PPFIBP1: variants seen among roughly 807,000 people sequenced by gnomAD.
PPFIBP1 encodes PPFIB scaffold protein 1, also known as liprin-beta-1.
A neutral mutation model predicts 137.8 loss-of-function variants in PPFIBP1; 112 were observed. The ratio of observed to expected loss-of-function variants is 0.81; its 90% CI spans 0.70 to 0.95. PPFIBP1 has a LOEUF of 0.95. Among genes scored for constraint, PPFIBP1 ranks in the 40% least tolerant of loss-of-function variants. The pLI is 0.00. For synonymous variants in PPFIBP1, 378 were observed against 417.3 expected, an observed-to-expected ratio of 0.91 and a Z score of 1.15; for missense variants, 1,083 against 1,196.6, an observed-to-expected ratio of 0.91 and a Z score of 1.40.
chr12:27,664,484 A>G, intron 12 of PPFIBP1, 38 bp downstream of exon 12: 1 of 1,397,254 alleles, frequency 7.2e-7, no homozygotes, highest in Non-Finnish European at 1.0e-6. Context: ...ACTTTGGTTG[A>G]CTCTAAGTGG....
intron 1 of PPFIBP1, among the ~76,000 whole-genome samples, chr12:27,544,547 A>G (rs1050829377): frequency 1.9e-5 from 2 of 106,602 alleles, no homozygotes; most frequent in African/African-American, 6.0e-5. Flanking sequence ...ATTTACAAGA[A>G]AAAAACAAAC....
intron 3 of PPFIBP1, among the ~76,000 whole-genome samples, chr12:27,634,139 CTTT>C (rs375816732): frequency 5.4e-5 from 6 of 111,600 alleles, no homozygotes; most frequent in Admixed American, 9.9e-5. Flanking sequence ...CCGGCCATAT[CTTT>C]TTTTTTTTTT....
intron 1 of PPFIBP1, among the ~76,000 whole-genome samples, chr12:27,563,153 C>T (rs1009770943): frequency 2.0e-5 from 3 of 150,782 alleles, no homozygotes; most frequent in Non-Finnish European, 3.0e-5. Context: ...TAAAAGCAGA[C>T]AATTCAGGCC....
chr12:27,533,097 C>G (rs923621597), intron 1 of PPFIBP1, among the ~76,000 whole-genome samples: 1 of 152,070 alleles, frequency 6.6e-6, no homozygotes, highest in African/African-American at 2.4e-5. Context: ...CACTCATGGG[C>G]TCAAGCAATC....
intron 6 of PPFIBP1, among the ~76,000 whole-genome samples, chr12:27,648,397 G>A (rs1456713581): frequency 6.6e-6 from 1 of 152,228 alleles, no homozygotes; most frequent in South Asian, 2.1e-4. Flanking sequence ...TACACTGTTG[G>A]TGGGAATGTA....
At chr12:27,649,725 A>G (rs2058757541) in intron 6 of PPFIBP1, among the ~76,000 whole-genome samples, 1 of 151,916 alleles carries the variant, frequency 6.6e-6, no homozygotes, top group African/African-American at 2.4e-5. Context: ...AAATTTTTGT[A>G]TTTTTAGTAG....
intron 11 of PPFIBP1, 127 bp downstream of exon 11, chr12:27,661,072 G>T: frequency 1.5e-6 from 2 of 1,368,658 alleles, no homozygotes; most frequent in Non-Finnish European, 2.0e-6. Context: ...GTGAGGGGCA[G>T]GTGTGCACAC....
intron 1 of PPFIBP1, among the ~76,000 whole-genome samples, chr12:27,551,369 G>A (rs1437917664): frequency 6.6e-6 from 1 of 152,146 alleles, no homozygotes; most frequent in Non-Finnish European, 1.5e-5. Flanking sequence ...CTATGTTACT[G>A]ACCTCCACTA....
intron 2 of PPFIBP1, among the ~76,000 whole-genome samples, chr12:27,628,180 T>G (rs2056986688): frequency 6.6e-6 from 1 of 152,116 alleles, no homozygotes; most frequent in African/African-American, 2.4e-5. Flanking sequence ...TTTTGTTCTT[T>G]AGGATTTTTT....
At chr12:27,579,178 C>T (rs1170260643) in intron 2 of PPFIBP1, among the ~76,000 whole-genome samples, 2 of 152,186 alleles carry the variant, frequency 1.3e-5, no homozygotes, top group African/African-American at 4.8e-5. Flanking sequence ...TTGTCCAGTT[C>T]CAGTCCTTTC....
intron 2 of PPFIBP1, among the ~76,000 whole-genome samples, chr12:27,607,560 A>G (rs1284118014): frequency 2.0e-5 from 3 of 152,206 alleles, no homozygotes; most frequent in Non-Finnish European, 4.4e-5. Flanking sequence ...CCATACTCAA[A>G]GTTCCTGATT....
At chr12:27,593,130 A>AAAAAAC in intron 2 of PPFIBP1, among the ~76,000 whole-genome samples, 1 of 11,908 alleles carries the variant, frequency 8.4e-5, no homozygotes, top group Admixed American at 1.1e-3. Flanking sequence ...AGAATGTCTC[A>AAAAAAC]AAAAAAAAAA....
In PPFIBP1 at chr12:27,658,898, C is replaced by T. The variant is rs201545962; in HGVS notation, c.844+50C>T. On this transcript the variant is annotated intron_variant, in intron 10 of 29. Transcript: ENST00000228425. Reference sequence around the variant, plus strand: ...GCCTTTACATTCACCAAAAATACTACCTTGGACTGTTCTTTGCATGTGTTT... The same window carrying T: ...GCCTTTACATTCACCAAAAATACTATCTTGGACTGTTCTTTGCATGTGTTT... 6 of 1,531,614 alleles carry T rather than the reference C, an allele frequency of 3.9e-6. No homozygotes were observed. The Admixed American group carries it at 7.5e-5, about 19-fold the overall frequency. 94.9% of individuals were successfully genotyped at this position (1,531,614 alleles called of 1,614,324 possible). A position where few individuals can be genotyped will look rare whatever the true frequency, so the allele number is the denominator to read the frequency against.
intron 6 of PPFIBP1, 139 bp from the exon 7 acceptor site, chr12:27,649,869 TAA>T: frequency 1.3e-6 from 1 of 791,134 alleles, no homozygotes; most frequent in South Asian, 2.2e-5. Context: ...AATAATTTTT[TAA>T]AAGTGTGTAG....
intron 24 of PPFIBP1, among the ~76,000 whole-genome samples, chr12:27,685,409 C>T (rs1469200396): frequency 3.3e-5 from 5 of 151,900 alleles, no homozygotes; most frequent in Non-Finnish European, 7.4e-5. Context: ...CCACAGTTAG[C>T]AATAGAAAGT....
chr12:27,634,096 A>G (rs550084789), intron 3 of PPFIBP1, among the ~76,000 whole-genome samples: 1 of 150,640 alleles, frequency 6.6e-6, no homozygotes, highest in Non-Finnish European at 1.5e-5. Context: ...CGGCCTCCCA[A>G]AGTGCTGGGA....
chr12:27,619,934 T>G (rs1301083919), intron 2 of PPFIBP1, among the ~76,000 whole-genome samples: 1 of 151,848 alleles, frequency 6.6e-6, no homozygotes, highest in African/African-American at 2.4e-5. Context: ...ATATTTACTA[T>G]ATGTGTATTC....
At chr12:27,678,391 G>A (rs2060653570) in intron 19 of PPFIBP1, among the ~76,000 whole-genome samples, 1 of 152,158 alleles carries the variant, frequency 6.6e-6, no homozygotes, top group South Asian at 2.1e-4. Context: ...TCTTCTCTCA[G>A]TGCCTAGGAT....
chr12:27,532,792 G>T (rs1450575789), intron 1 of PPFIBP1, among the ~76,000 whole-genome samples: 3 of 152,140 alleles, frequency 2.0e-5, no homozygotes, highest in Non-Finnish European at 4.4e-5. Flanking sequence ...TTGAAAAGAC[G>T]TAAGCTATAT....
Sources: gnomAD v4.1 joint callset for allele counts (sites outside exome capture counted in the v4.1 genomes callset) on GRCh38, gnomAD v4.1.1 for gene constraint, MANE v1.5 for transcripts, NCBI Gene and HGNC (gene_info 2026-07-23, HGNC 2026-07-21) for gene names.